XRCC5: variants seen among roughly 807,000 people sequenced by gnomAD.
XRCC5 encodes the protein DNA repair protein Ku80.
A neutral mutation model predicts 95.7 loss-of-function variants in XRCC5; 12 were observed. The ratio of observed to expected loss-of-function variants is 0.13; its 90% CI spans 0.08 to 0.20. XRCC5 has a LOEUF of 0.20. XRCC5 is among the 10% of genes least tolerant of loss of function. The pLI is 1.00. For missense variants in XRCC5, 595 were observed against 873.9 expected, an observed-to-expected ratio of 0.68 and a Z score of 4.02; for synonymous variants, 281 against 290.3, an observed-to-expected ratio of 0.97 and a Z score of 0.33.
intron 19 of XRCC5, among the ~76,000 whole-genome samples, chr2:216,198,472 T>C (rs1322328272): frequency 6.6e-6 from 1 of 152,212 alleles, no homozygotes; most frequent in Non-Finnish European, 1.5e-5. Flanking sequence ...TGCTTTAATA[T>C]CACATGAACC....
intron 7 of XRCC5, 29 bp downstream of exon 7, chr2:216,126,060 A>G: frequency 6.4e-7 from 1 of 1,553,280 alleles, no homozygotes; most frequent in Admixed American, 1.7e-5. Flanking sequence ...TTTTTAACAG[A>G]AATGTTACCA....
At position 216,194,985 on chromosome 2, in the gene XRCC5, A is replaced by C. The variant is rs757489198; in HGVS notation, c.2108A>C (p.Lys703Thr). 1 of 1,614,102 alleles carries C rather than the reference A, an allele frequency of 6.2e-7. No individual in the cohort carries two copies. Among genetic ancestry groups the C allele is most frequent in the Non-Finnish European group, 8.5e-7 (1 of 1,179,920 alleles). The change falls in exon 19 of 21, where the codon AAG becomes ACG. Residue 703 changes from lysine to threonine, a missense_variant and splice_region_variant. Transcript: ENST00000392132. ...GSSVTAEEAKKFLAPKDKPSG... is the reference protein window; with the variant it reads ...GSSVTAEEAKTFLAPKDKPSG... The stretch of plus-strand genomic sequence containing the variant: ...TCTGTCACAGCTGAGGAAGCCAAAA[A>C]GGTATTGAGGGGTAAACCTTTGTCT...
chr2:216,201,113 C>T (rs1353655652), intron 19 of XRCC5, among the ~76,000 whole-genome samples: 5 of 152,176 alleles, frequency 3.3e-5, no homozygotes, highest in Admixed American at 6.5e-5. Context: ...AGGTGGCTTG[C>T]GTAAGGTTCC....
intron 6 of XRCC5, among the ~76,000 whole-genome samples, chr2:216,123,186 A>G (rs1257868009): frequency 2.6e-5 from 4 of 152,344 alleles, no homozygotes; most frequent in Admixed American, 2.0e-4. Flanking sequence ...GTGATTGAAC[A>G]ACTAGAATTT....
intron 8 of XRCC5, among the ~76,000 whole-genome samples, chr2:216,129,408 A>G (rs931500215): frequency 1.3e-5 from 2 of 152,224 alleles, no homozygotes; most frequent in Non-Finnish European, 2.9e-5. Flanking sequence ...GTTGTAGTCT[A>G]TTGTAAGTAT....
At chr2:216,197,483 C>T (rs1689749594) in intron 19 of XRCC5, among the ~76,000 whole-genome samples, 1 of 142,426 alleles carries the variant, frequency 7.0e-6, no homozygotes, top group African/African-American at 2.6e-5. Context: ...ACTCTCAAAA[C>T]TTCACCATCT....
intron 14 of XRCC5, among the ~76,000 whole-genome samples, chr2:216,157,285 G>GTGCA (rs1688863531): frequency 6.6e-6 from 1 of 151,486 alleles, no homozygotes; most frequent in African/African-American, 2.4e-5. Flanking sequence ...CCAGGCTGGA[G>GTGCA]TGCAGTGGCG....
intron 14 of XRCC5, among the ~76,000 whole-genome samples, chr2:216,159,656 A>G (rs933678740): frequency 6.6e-6 from 1 of 152,270 alleles, no homozygotes; most frequent in Non-Finnish European, 1.5e-5. Context: ...TTCTGTGTAC[A>G]TGGAAAGCTA....
At chr2:216,200,338 A>G (rs887721213) in intron 19 of XRCC5, among the ~76,000 whole-genome samples, 3 of 152,190 alleles carry the variant, frequency 2.0e-5, no homozygotes, top group Admixed American at 2.0e-4. Context: ...ATTTCTTGAG[A>G]GCAGTTTTGT....
chr2:216,129,977 A>C (rs1221557866), intron 8 of XRCC5, among the ~76,000 whole-genome samples: 4 of 152,114 alleles, frequency 2.6e-5, no homozygotes, highest in Non-Finnish European at 5.9e-5. Context: ...TGCCTGGCCT[A>C]AAAGTGTGTT....
Position 216,148,132 on chromosome 2 carries a change from A to G in XRCC5, c.1526A>G (p.Gln509Arg), listed in dbSNP as rs1688674734. 6.2e-7 allele frequency: 1 copy of G among 1,613,752 alleles called. No individual in the cohort carries two copies. Among genetic ancestry groups the G allele is most frequent in the Admixed American group, 1.7e-5 (1 of 59,932 alleles). Residue 509 changes from glutamine (Q) to arginine (R), a missense_variant, in exon 14 of 21, where the codon CAG becomes CGG. Around this residue, in one of 2 missense-constraint regions of XRCC5, gnomAD observed 309 missense variants for 382.9 expected, o/e 0.81. Transcript: ENST00000392132. ...LHPREPLPPI[Q>R]QHIWNMLNPP... ...CCCCGGGAGCCTCTACCCCCAATTC[A>G]GCAGCATATTTGGAATATGCTGAAT...
chr2:216,194,131 G>A (rs1299259000), intron 18 of XRCC5, among the ~76,000 whole-genome samples: 1 of 152,176 alleles, frequency 6.6e-6, no homozygotes, highest in African/African-American at 2.4e-5. Flanking sequence ...TTTATTTATT[G>A]AGCTTCTGCT....
chr2:216,110,770 C>T (rs1273650916), intron 1 of XRCC5, among the ~76,000 whole-genome samples: 1 of 152,130 alleles, frequency 6.6e-6, no homozygotes, highest in Non-Finnish European at 1.5e-5. Context: ...GGGTGTGTAT[C>T]AAATAAGTGC....
intron 13 of XRCC5, among the ~76,000 whole-genome samples, chr2:216,143,448 C>T (rs1480312819): frequency 6.6e-6 from 1 of 152,252 alleles, no homozygotes; most frequent in Admixed American, 6.5e-5. Flanking sequence ...CACTTATCTA[C>T]AGTAGGTTGT....
chr2:216,140,338 G>A (rs938973272), intron 12 of XRCC5, among the ~76,000 whole-genome samples: 1 of 152,226 alleles, frequency 6.6e-6, no homozygotes, highest in African/African-American at 2.4e-5. Context: ...GACTGTGAAT[G>A]TTCCAGAAAT....
chr2:216,132,727 T>C (rs1388289153), intron 10 of XRCC5, among the ~76,000 whole-genome samples: 1 of 152,236 alleles, frequency 6.6e-6, no homozygotes, highest in African/African-American at 2.4e-5. Flanking sequence ...AGTGACTCAC[T>C]AGACTGCTTT....
chr2:216,147,174 TA>T (rs35929422), intron 13 of XRCC5, among the ~76,000 whole-genome samples: 27 of 151,892 alleles, frequency 1.8e-4, no homozygotes, highest in Non-Finnish European at 3.7e-4. Context: ...AAATGATTTT[TA>T]AAAAAAGGGC....
chr2:216,188,235 G>A (rs1201238722), intron 16 of XRCC5, among the ~76,000 whole-genome samples: 1 of 152,148 alleles, frequency 6.6e-6, no homozygotes, highest in East Asian at 1.9e-4. Flanking sequence ...GATTTGTGAA[G>A]CTTTCTGTAA....
chr2:216,169,100 C>T (rs1391497673), intron 16 of XRCC5, among the ~76,000 whole-genome samples: 1 of 152,242 alleles, frequency 6.6e-6, no homozygotes, highest in Non-Finnish European at 1.5e-5. Flanking sequence ...AACATGGCCT[C>T]CAGCCAAAGC....
Sources: allele counts gnomAD v4.1 joint callset (sites outside exome capture counted in the v4.1 genomes callset), GRCh38; gene constraint gnomAD v4.1.1; regional missense constraint gnomAD v4.1.1; transcripts MANE v1.5; gene names NCBI Gene and HGNC (gene_info 2026-07-23, HGNC 2026-07-21).